The following RAG1 variants were observed in gnomAD, a reference collection of about 807,000 sequenced individuals.
The protein encoded by RAG1 is recombination activating 1, also known as V(D)J recombination-activating protein 1.
In RAG1, 35 loss-of-function variants were observed where a neutral mutation model predicts 62.7. The observed-to-expected ratio is 0.56, with a 90% confidence interval of 0.43 to 0.74. The LOEUF (loss-of-function observed/expected upper bound fraction) is 0.74, where lower values mean the gene tolerates loss of function less well. RAG1 is among the 30% of genes least tolerant of loss of function. The probability of loss-of-function intolerance (pLI) is 0.00; values close to 1 mark genes in which losing one functional copy is unlikely to be tolerated. For missense variants in RAG1, 1,169 were observed against 1,278.6 expected, an observed-to-expected ratio of 0.91 and a Z score of 1.31; for synonymous variants, 461 against 470.3, an observed-to-expected ratio of 0.98 and a Z score of 0.26.
intron 2 of RAG1, among the ~76,000 whole-genome samples, chr11:36,531,161 C>A (rs984465756): frequency 1.3e-5 from 2 of 151,764 alleles, no homozygotes; most frequent in African/African-American, 4.8e-5. Context: ...CTCTTGCTTT[C>A]TTTTGGTTAA....
At chr11:36,562,752 T>C (rs1850607569) in intron 3 of RAG1, among the ~76,000 whole-genome samples, 1 of 152,294 alleles carries the variant, frequency 6.6e-6, no homozygotes, top group African/African-American at 2.4e-5. Context: ...ACTGGGTAGC[T>C]TAAACATAAG....
At chr11:36,560,561 A>G (rs12225867) in intron 3 of RAG1, among the ~76,000 whole-genome samples, 23,120 of 152,090 alleles carry the variant, frequency 0.15, 1,858 homozygotes, top group Admixed American at 0.2. Flanking sequence ...TGCTCTCAGC[A>G]TGATGCAGTT....
chr11:36,563,513 C>T (rs1294794152), upstream of RAG1: 1 of 152,114 alleles, frequency 6.6e-6, no homozygotes. Flanking sequence ...GAGCCAATTC[C>T]TGTAATAATC....
intron 3 of RAG1, among the ~76,000 whole-genome samples, chr11:36,560,133 A>G (rs529046077): frequency 6.6e-6 from 1 of 152,332 alleles, no homozygotes; most frequent in Non-Finnish European, 1.5e-5. Flanking sequence ...TGTAATCAAT[A>G]TCAATGGTGT....
intron 3 of RAG1, among the ~76,000 whole-genome samples, chr11:36,547,819 C>A (rs575838996): frequency 1.8e-4 from 27 of 152,046 alleles, no homozygotes; most frequent in African/African-American, 6.0e-4. Flanking sequence ...AGAGACTCAA[C>A]AAAAAAAGAA....
At chr11:36,557,764 T>A (rs1456904763) in intron 3 of RAG1, among the ~76,000 whole-genome samples, 2 of 152,240 alleles carry the variant, frequency 1.3e-5, no homozygotes, top group African/African-American at 4.8e-5. Flanking sequence ...ACCCTCTCAC[T>A]TTGGTTAATA....
intron 3 of RAG1, among the ~76,000 whole-genome samples, chr11:36,543,321 A>G (rs1454138871): frequency 1.3e-5 from 2 of 152,192 alleles, no homozygotes; most frequent in Non-Finnish European, 2.9e-5. Context: ...TCACCAGTCC[A>G]GCATCAGAGA....
In RAG1 at chr11:36,573,884, G is replaced by C. The variant is rs778067035; in HGVS notation, c.580G>C (p.Val194Leu). The part of the protein sequence containing the change: ...HRKFSSAPCE[V>L]YFPRNVTMEW... ...GAAGTTTAGCAGTGCCCCATGTGAG[G>C]TTTACTTCCCGAGGAACGTGACCAT... The change falls in exon 2 of 2, where the codon GTT becomes CTT. Residue 194 changes from valine (V) to leucine (L), a missense_variant. By Grantham distance (32) the Val-to-Leu change is conservative (BLOSUM62 1). This residue lies in a region of RAG1 where 369 missense variants were observed against 335.3 expected (regional missense o/e 1.10). Coordinates refer to ENST00000299440, the MANE Select transcript of RAG1 (RefSeq NM_000448.3). 1 of 1,614,128 alleles carries C rather than the reference G, an allele frequency of 6.2e-7. No individual in the cohort carries two copies. Among genetic ancestry groups the C allele is most frequent in the Non-Finnish European group, 8.5e-7 (1 of 1,180,046 alleles).
intron 3 of RAG1, among the ~76,000 whole-genome samples, chr11:36,544,012 C>T (rs565270752): frequency 5.9e-5 from 9 of 152,290 alleles, no homozygotes; most frequent in African/African-American, 1.7e-4. Context: ...TCTCATAGCC[C>T]TACCTGGTTT....
At chr11:36,559,737 CTT>C (rs1204918826) in intron 3 of RAG1, among the ~76,000 whole-genome samples, 4 of 152,100 alleles carry the variant, frequency 2.6e-5, no homozygotes, top group Non-Finnish European at 4.4e-5. Context: ...GTATCTGTCT[CTT>C]TGTTGAATTT....
intron 2 of RAG1, among the ~76,000 whole-genome samples, chr11:36,534,878 G>T (rs1342790105): frequency 3.3e-5 from 5 of 152,002 alleles, no homozygotes; most frequent in Non-Finnish European, 5.9e-5. Flanking sequence ...GGCTTTTGGG[G>T]TATCCTACCA....
chr11:36,560,247 A>G (rs562388799), intron 3 of RAG1, among the ~76,000 whole-genome samples: 1 of 152,300 alleles, frequency 6.6e-6, no homozygotes, highest in South Asian at 2.1e-4. Context: ...TCTGCTGGTC[A>G]TCAGTACAGT....
At position 36,577,934 on chromosome 11, in the gene RAG1, G is replaced by T. The variant is rs1850877194; in HGVS notation, c.*1498G>T. The T allele has an allele frequency of 6.0e-6, 1 of 167,068 alleles. No homozygotes were observed. Among genetic ancestry groups the T allele is most frequent in the African/African-American group, 2.4e-5 (1 of 41,450 alleles). The allele number at this position is 167,068 out of a possible 1,614,324, so 10.3% of individuals were successfully genotyped here. A position where few individuals can be genotyped will look rare whatever the true frequency, so the allele number is the denominator to read the frequency against. On this transcript the variant is annotated 3_prime_UTR_variant, in exon 2 of 2. Transcript: ENST00000299440. ...GTGTGCTCTGGCTCTTTTGATAGAA[G>T]AAAGCAACACAAAAGCTCCAAAGGG...
At chr11:36,532,733 C>T (rs1275959801) in intron 2 of RAG1, among the ~76,000 whole-genome samples, 1 of 152,080 alleles carries the variant, frequency 6.6e-6, no homozygotes, top group Non-Finnish European at 1.5e-5. Flanking sequence ...GTCACTTAGC[C>T]AGCCACCTGT....
chr11:36,528,485 T>G (rs894187100), intron 2 of RAG1, among the ~76,000 whole-genome samples: 1 of 152,110 alleles, frequency 6.6e-6, no homozygotes, highest in Non-Finnish European at 1.5e-5. Context: ...CTGGGATTTG[T>G]TTAAAGAAGT....
At chr11:36,560,047 G>A (rs1208672848) in intron 3 of RAG1, among the ~76,000 whole-genome samples, 2 of 152,204 alleles carry the variant, frequency 1.3e-5, no homozygotes, top group Non-Finnish European at 2.9e-5. Flanking sequence ...CTGTCCTATA[G>A]TGTCGATTGG....
chr11:36,551,874 G>C (rs1850492221), intron 3 of RAG1, among the ~76,000 whole-genome samples: 1 of 143,510 alleles, frequency 7.0e-6, no homozygotes, highest in Non-Finnish European at 1.5e-5. Context: ...TTTTGTTCTT[G>C]CGATAGTTTA....
chr11:36,574,322 C>A lies in RAG1; in HGVS notation c.1018C>A (p.Leu340Met), dbSNP rs1850800932. 2 of 1,614,082 alleles carry A rather than the reference C, an allele frequency of 1.2e-6. No homozygotes were observed. The highest frequency in any genetic ancestry group is 1.7e-6 in the Non-Finnish European group (2 of 1,180,040). The change falls in exon 2 of 2, where the codon CTG (leucine) becomes ATG (methionine). Residue 340 changes from leucine (L) to methionine (M), a missense_variant. By Grantham distance (15) the Leu-to-Met change is conservative. Coordinates refer to ENST00000299440, the MANE Select transcript of RAG1 (RefSeq NM_000448.3). ...SCRYPCFPTD[L>M]ESPVKSFLSV... The stretch of plus-strand genomic sequence containing the variant: ...CCGATATCCATGCTTCCCTACTGAC[C>A]TGGAGAGTCCAGTGAAGTCCTTTCT...
At chr11:36,517,652 G>A (rs960280551) in intron 1 of RAG1, among the ~76,000 whole-genome samples, 1 of 152,106 alleles carries the variant, frequency 6.6e-6, no homozygotes, top group Non-Finnish European at 1.5e-5. Flanking sequence ...CATATGGTGT[G>A]GTCGTTAATA....
Sources: allele counts gnomAD v4.1 joint callset (sites outside exome capture counted in the v4.1 genomes callset), GRCh38; gene constraint gnomAD v4.1.1; regional missense constraint gnomAD v4.1.1; transcripts MANE v1.5; gene names NCBI Gene and HGNC (gene_info 2026-07-23, HGNC 2026-07-21).